The following NR3C1 variants were observed in gnomAD, a reference collection of about 807,000 sequenced individuals.
The protein encoded by NR3C1 is nuclear receptor subfamily 3 group C member 1, also known as glucocorticoid receptor.
In NR3C1, 14 loss-of-function variants were observed where a neutral mutation model predicts 74.0. The observed-to-expected ratio is 0.19, with a 90% CI of 0.12 to 0.30. The LOEUF (loss-of-function observed/expected upper bound fraction) is 0.30. Ranked by LOEUF, NR3C1 falls within the 10% of genes least tolerant of loss-of-function variation. NR3C1 has a pLI of 1.00. For missense variants in NR3C1, 695 were observed against 909.8 expected (o/e 0.76, Z 3.04); for synonymous variants, 308 against 332.5 (o/e 0.93, Z 0.80).
At chr5:143,382,544 G>A (rs965049296) in intron 2 of NR3C1, among the ~76,000 whole-genome samples, 2 of 152,218 alleles carry the variant, frequency 1.3e-5, no homozygotes, top group Admixed American at 1.3e-4. Flanking sequence ...GTGCTATGCA[G>A]TTTACATGCA....
chr5:143,371,049 T>C (rs941421468), intron 2 of NR3C1, among the ~76,000 whole-genome samples: 3 of 152,214 alleles, frequency 2.0e-5, no homozygotes, highest in Non-Finnish European at 4.4e-5. Context: ...CTAAATGTTT[T>C]CTATGTGTCT....
At chr5:143,396,841 C>G (rs1839282357) in intron 2 of NR3C1, among the ~76,000 whole-genome samples, 1 of 151,692 alleles carries the variant, frequency 6.6e-6, no homozygotes, top group African/African-American at 2.4e-5. Flanking sequence ...CACCTAAAAC[C>G]ATTTCTGTTC....
chr5:143,365,911 G>C (rs1001557364), intron 2 of NR3C1, among the ~76,000 whole-genome samples: 1 of 152,184 alleles, frequency 6.6e-6, no homozygotes, highest in Non-Finnish European at 1.5e-5. Flanking sequence ...ACGGGTTAGA[G>C]GGGGAAGAAA....
At chr5:143,386,313 G>GA (rs1239029034) in intron 2 of NR3C1, among the ~76,000 whole-genome samples, 2 of 152,042 alleles carry the variant, frequency 1.3e-5, no homozygotes, top group East Asian at 1.9e-4. Context: ...TTTATATTTA[G>GA]AAAAAAAGTT....
intron 2 of NR3C1, among the ~76,000 whole-genome samples, chr5:143,348,505 C>T (rs904182958): frequency 1.6e-4 from 25 of 152,216 alleles, no homozygotes; most frequent in Middle Eastern, 3.4e-3. Flanking sequence ...TGAAGTCAAA[C>T]GAAGTGACAC....
chr5:143,379,910 T>C (rs1272746918), intron 2 of NR3C1, among the ~76,000 whole-genome samples: 2 of 152,228 alleles, frequency 1.3e-5, no homozygotes, highest in African/African-American at 4.8e-5. Flanking sequence ...GTTGTTATTT[T>C]AAAGCCACTA....
chr5:143,364,461 G>GGGAA (rs1330486924), intron 2 of NR3C1, among the ~76,000 whole-genome samples: 2 of 152,144 alleles, frequency 1.3e-5, no homozygotes, highest in Non-Finnish European at 2.9e-5. Flanking sequence ...CATCAGGAAA[G>GGGAA]GGAATTACAT....
chr5:143,376,658 T>C (rs1835256964), intron 2 of NR3C1, among the ~76,000 whole-genome samples: 1 of 152,196 alleles, frequency 6.6e-6, no homozygotes, highest in African/African-American at 2.4e-5. Context: ...TGGTTCTAAA[T>C]GTAGGTGATC....
At chr5:143,421,283 G>A (rs1423508147) in intron 1 of NR3C1, among the ~76,000 whole-genome samples, 1 of 152,148 alleles carries the variant, frequency 6.6e-6, no homozygotes, top group Admixed American at 6.5e-5. Context: ...GCTCAGAAGG[G>A]CTTGCATGTT....
chr5:143,291,500 C>T (rs546873066), intron 7 of NR3C1, among the ~76,000 whole-genome samples: 14 of 118,650 alleles, frequency 1.2e-4, no homozygotes, highest in East Asian at 8.9e-4. Flanking sequence ...TTGGGATTAC[C>T]GGTGTGAGCC....
chr5:143,394,524 T>C (rs1172514287), intron 2 of NR3C1, among the ~76,000 whole-genome samples: 2 of 152,028 alleles, frequency 1.3e-5, no homozygotes, highest in Non-Finnish European at 2.9e-5. Flanking sequence ...ATATCAACAT[T>C]AAGACATTAG....
chr5:143,404,831 G>T (rs1263655551), upstream of NR3C1, among the ~76,000 whole-genome samples: 12 of 152,142 alleles, frequency 7.9e-5, no homozygotes, highest in Admixed American at 7.9e-4. Context: ...CAAGTTCCCG[G>T]TGCAGGCCCC....
chr5:143,426,212 AG>A (rs1159727363), intron 1 of NR3C1, among the ~76,000 whole-genome samples: 2 of 152,306 alleles, frequency 1.3e-5, no homozygotes, highest in East Asian at 3.9e-4. Flanking sequence ...AGTGGTCGCC[AG>A]GGGGCTAGGG....
intron 1 of NR3C1, among the ~76,000 whole-genome samples, chr5:143,420,815 G>T (rs1052906493): frequency 2.0e-5 from 3 of 152,046 alleles, no homozygotes; most frequent in Non-Finnish European, 4.4e-5. Flanking sequence ...TGGGAAACAC[G>T]GTAAAACCAT....
chr5:143,357,257 A>G (rs765417599), intron 2 of NR3C1, among the ~76,000 whole-genome samples: 21 of 152,248 alleles, frequency 1.4e-4, no homozygotes, highest in Non-Finnish European at 2.4e-4. Context: ...ATTTAGATTG[A>G]TACTTTAATA....
chr5:143,370,770 A>G (rs1024183724), intron 2 of NR3C1, among the ~76,000 whole-genome samples: 1 of 151,994 alleles, frequency 6.6e-6, no homozygotes, highest in Non-Finnish European at 1.5e-5. Context: ...GAAATTTTTA[A>G]TGACTCAATA....
chr5:143,416,360 A>G (rs1841476595), intron 1 of NR3C1, among the ~76,000 whole-genome samples: 1 of 152,062 alleles, frequency 6.6e-6, no homozygotes, highest in East Asian at 1.9e-4. Context: ...ACTACTTGGA[A>G]ACTTGTCTTG....
chr5:143,389,226 T>C (rs1837807180), intron 2 of NR3C1, among the ~76,000 whole-genome samples: 2 of 152,130 alleles, frequency 1.3e-5, no homozygotes, highest in Admixed American at 1.3e-4. Context: ...ATTCATCTTC[T>C]TCATCTCCAT....
At chr5:143,376,678 T>C (rs556184992) in intron 2 of NR3C1, among the ~76,000 whole-genome samples, 5 of 152,156 alleles carry the variant, frequency 3.3e-5, no homozygotes, top group Non-Finnish European at 7.3e-5. Flanking sequence ...CATCCAAAAT[T>C]TTTAGGGACT....
Sources: allele counts gnomAD v4.1 joint callset (sites outside exome capture counted in the v4.1 genomes callset), GRCh38; gene constraint gnomAD v4.1.1; transcripts MANE v1.5; gene names NCBI Gene and HGNC (gene_info 2026-07-23, HGNC 2026-07-21).